The following NKAIN3 variants were observed in gnomAD, a reference collection of about 807,000 sequenced individuals.
The protein encoded by NKAIN3 is sodium/potassium transporting ATPase interacting 3.
Under a neutral mutation model 30.2 loss-of-function variants are expected in NKAIN3, and 25 were observed. The ratio of observed to expected loss-of-function variants is 0.83; its 90% CI spans 0.60 to 1.16. NKAIN3 has a LOEUF of 1.16. NKAIN3 is among the 50% of genes most tolerant of loss of function. NKAIN3 has a pLI of 0.00. For synonymous variants in NKAIN3, 91 were observed against 89.6 expected (o/e 1.02, Z -0.09); for missense variants, 225 against 254.1 (o/e 0.89, Z 0.78).
intron 6 of NKAIN3, among the ~76,000 whole-genome samples, chr8:62,961,326 T>C (rs1020692471): frequency 2.0e-5 from 3 of 151,574 alleles, no homozygotes; most frequent in African/African-American, 7.3e-5. Context: ...TGTCCACAGA[T>C]GTGCTACAAT....
chr8:62,281,352 G>GT (rs538045161), intron 1 of NKAIN3, among the ~76,000 whole-genome samples: 8 of 151,696 alleles, frequency 5.3e-5, no homozygotes, highest in South Asian at 2.1e-4. Context: ...TTTTTTGAAG[G>GT]TTTTTTTTGT....
At chr8:62,559,827 C>G (rs1444817121) in intron 1 of NKAIN3, among the ~76,000 whole-genome samples, 2 of 152,016 alleles carry the variant, frequency 1.3e-5, no homozygotes, top group East Asian at 1.9e-4. Context: ...AGAAAGAAAA[C>G]CTACTGTATT....
In NKAIN3 at chr8:62,870,097, A is replaced by C. The variant is rs1434746421; in HGVS notation, c.472-48356A>C. ...AGCCCCCTTTCTTTGAGGCTTTTGG[A>C]TGTGGACTGAGCCACTCCAGGCTTC... On this transcript the variant is annotated intron_variant, in intron 4 of 6. Transcript: ENST00000623646. 4.0e-5 allele frequency among the ~76,000 whole-genome samples: 6 copies of C among 151,024 alleles called. No individual in the cohort carries two copies. In the Admixed American group the frequency reaches 4.0e-4, roughly 10 times the overall value.
chr8:62,883,563 A>G (rs1180229210), intron 4 of NKAIN3, among the ~76,000 whole-genome samples: 1 of 145,184 alleles, frequency 6.9e-6, no homozygotes, highest in African/African-American at 2.6e-5. Flanking sequence ...TTTTGTTGTC[A>G]TATTACATTA....
intron 4 of NKAIN3, among the ~76,000 whole-genome samples, chr8:62,777,808 T>A (rs972489341): frequency 6.6e-6 from 1 of 152,116 alleles, no homozygotes; most frequent in Admixed American, 6.6e-5. Flanking sequence ...GTAGTCTTCA[T>A]AGTTTGGGCT....
At chr8:62,750,126 T>C (rs16929515) in intron 4 of NKAIN3, among the ~76,000 whole-genome samples, 26,466 of 151,320 alleles carry the variant, frequency 0.17, 2,509 homozygotes, top group East Asian at 0.29. Context: ...ACCAAGCAAA[T>C]AGAGGGGCAG....
intron 1 of NKAIN3, among the ~76,000 whole-genome samples, chr8:62,252,316 A>T (rs1009276786): frequency 2.6e-5 from 4 of 152,240 alleles, no homozygotes; most frequent in Admixed American, 1.3e-4. Flanking sequence ...CATAGATGAT[A>T]CATTAGTTCC....
intron 4 of NKAIN3, among the ~76,000 whole-genome samples, chr8:62,842,587 T>C (rs1819566768): frequency 6.6e-6 from 1 of 152,114 alleles, no homozygotes; most frequent in South Asian, 2.1e-4. Context: ...GCTACAGGCA[T>C]CATACTACCT....
intron 1 of NKAIN3, among the ~76,000 whole-genome samples, chr8:62,573,610 C>A (rs915555958): frequency 1.2e-4 from 19 of 152,072 alleles, no homozygotes; most frequent in South Asian, 1.2e-3. Context: ...TTATTTTCAT[C>A]CTATTCTTTA....
At chr8:62,341,157 T>G (rs1157613491) in intron 1 of NKAIN3, among the ~76,000 whole-genome samples, 1 of 152,050 alleles carries the variant, frequency 6.6e-6, no homozygotes, top group Admixed American at 6.6e-5. Context: ...AAAGACAAGT[T>G]ACACAAGTGA....
intron 3 of NKAIN3, among the ~76,000 whole-genome samples, chr8:62,655,278 C>T (rs1156450221): frequency 6.6e-6 from 1 of 151,964 alleles, no homozygotes; most frequent in Non-Finnish European, 1.5e-5. Flanking sequence ...TATGAATGAA[C>T]CTTTAATAAC....
At chr8:62,923,973 C>T (rs1209764594) in intron 5 of NKAIN3, among the ~76,000 whole-genome samples, 2 of 152,154 alleles carry the variant, frequency 1.3e-5, no homozygotes, top group Non-Finnish European at 2.9e-5. Flanking sequence ...ATAGAGAAGC[C>T]CCTTTACCAG....
At chr8:62,572,298 T>G (rs1261799348) in intron 1 of NKAIN3, among the ~76,000 whole-genome samples, 1 of 152,182 alleles carries the variant, frequency 6.6e-6, no homozygotes, top group East Asian at 1.9e-4. Context: ...CCCAACAAGT[T>G]CCACATCTCC....
At chr8:62,355,116 A>T (rs1188050332) in intron 1 of NKAIN3, among the ~76,000 whole-genome samples, 5 of 152,192 alleles carry the variant, frequency 3.3e-5, no homozygotes, top group African/African-American at 1.2e-4. Context: ...AATGTGAGAG[A>T]TTCATAGAGA....
At chr8:62,344,936 A>G (rs1475636662) in intron 1 of NKAIN3, 1 of 310,724 alleles carries the variant, frequency 3.2e-6, no homozygotes, top group Non-Finnish European at 6.3e-6. Context: ...TTCCAGTACA[A>G]TCCAATATAT....
Position 62,574,676 on chromosome 8 carries a change from T to C in NKAIN3, c.55-4863T>C, listed in dbSNP as rs570923304. Among the ~76,000 whole-genome samples the C allele has an allele frequency of 3.9e-5, 6 of 152,128 alleles. No homozygotes were observed. The East Asian group carries it at 1.2e-3, about 29-fold the overall frequency. Reference sequence around the variant, plus strand: ...ACGTTTCCACCAACAGTGTACAGGGTTTCCCTTTTCTCTACACCCTTGCCA... The same window carrying C: ...ACGTTTCCACCAACAGTGTACAGGGCTTCCCTTTTCTCTACACCCTTGCCA... On this transcript the variant is annotated intron_variant, in intron 1 of 6. Coordinates refer to ENST00000623646, the MANE Select transcript of NKAIN3 (RefSeq NM_001304533.3).
At chr8:62,795,481 C>A (rs754085486) in intron 4 of NKAIN3, among the ~76,000 whole-genome samples, 15 of 152,092 alleles carry the variant, frequency 9.9e-5, no homozygotes, top group Non-Finnish European at 1.9e-4. Context: ...CAAAAGGCAC[C>A]AACCCATCCT....
intron 4 of NKAIN3, among the ~76,000 whole-genome samples, chr8:62,787,446 G>C (rs184995572): frequency 6.6e-6 from 1 of 152,212 alleles, no homozygotes; most frequent in Admixed American, 6.5e-5. Flanking sequence ...CCAATAGTTA[G>C]CCATGATACT....
intron 3 of NKAIN3, among the ~76,000 whole-genome samples, chr8:62,590,193 A>G (rs1015298324): frequency 6.6e-6 from 1 of 151,872 alleles, no homozygotes; most frequent in Non-Finnish European, 1.5e-5. Flanking sequence ...AACGTAACAG[A>G]CATGAATGGC....
Sources: gnomAD v4.1 joint callset for allele counts (sites outside exome capture counted in the v4.1 genomes callset) on GRCh38, gnomAD v4.1.1 for gene constraint, MANE v1.5 for transcripts, NCBI Gene and HGNC (gene_info 2026-07-23, HGNC 2026-07-21) for gene names.